The following MGST1 variants were observed in gnomAD, a reference collection of about 807,000 sequenced individuals.
MGST1 encodes the protein microsomal glutathione S-transferase 1.
A neutral mutation model predicts 8.9 loss-of-function variants in MGST1; 5 were observed. The observed-to-expected ratio is 0.56, with a 90% CI of 0.29 to 1.19. The LOEUF is 1.19. MGST1 is among the 50% of genes most tolerant of loss of function. MGST1 has a pLI of 0.08. For synonymous variants in MGST1, 54 were observed against 67.8 expected (o/e 0.80, Z 1.00); for missense variants, 182 against 187.4 (o/e 0.97, Z 0.17).
At chr12:16,474,218 A>G (rs1232097990) in intron 4 of MGST1, among the ~76,000 whole-genome samples, 5 of 152,290 alleles carry the variant, frequency 3.3e-5, no homozygotes, top group East Asian at 3.9e-4. Flanking sequence ...TTGTATTCCT[A>G]TTTAAACATT....
At chr12:16,579,179 A>G (rs1167961385) in intron 4 of MGST1, among the ~76,000 whole-genome samples, 1 of 152,154 alleles carries the variant, frequency 6.6e-6, no homozygotes, top group Non-Finnish European at 1.5e-5. Flanking sequence ...AATTGTATAT[A>G]TATATTCCCT....
intron 1 of MGST1, among the ~76,000 whole-genome samples, chr12:16,434,854 G>C (rs936585800): frequency 6.6e-6 from 1 of 151,838 alleles, no homozygotes; most frequent in Non-Finnish European, 1.5e-5. Flanking sequence ...CATAAGCCAA[G>C]ATCACATTTG....
In MGST1 at chr12:16,547,077, A is replaced by G. The variant is rs1222434281; in HGVS notation, n.483-42451A>G. ...TTCTGAATAATACTTTTCTAATAGC[A>G]TGGCCTCAAAGGAAGCTCTAGTAAA... On this transcript the variant is annotated intron_variant and non_coding_transcript_variant, in intron 4 of 4. Transcript: ENST00000538857. The surrounding 1 kb of genome is among the most constrained non-coding windows in gnomAD (Gnocchi z 4.6). Among the ~76,000 whole-genome samples, 1 of 152,172 alleles carries G rather than the reference A, an allele frequency of 6.6e-6. No individual in the cohort carries two copies. Among genetic ancestry groups the G allele is most frequent in the Non-Finnish European group, 1.5e-5 (1 of 68,022 alleles).
chr12:16,471,132 G>A (rs1456469225), intron 4 of MGST1, among the ~76,000 whole-genome samples: 3 of 151,974 alleles, frequency 2.0e-5, no homozygotes, highest in South Asian at 2.1e-4. Context: ...ACCATTTATC[G>A]CCGTAATGGA....
intron 4 of MGST1, among the ~76,000 whole-genome samples, chr12:16,504,773 A>G (rs918159598): frequency 2.6e-5 from 4 of 152,198 alleles, no homozygotes; most frequent in African/African-American, 9.6e-5. Context: ...TTACAAATAC[A>G]TTCAAGTTCT....
At chr12:16,535,472 C>T (rs1941751424) in intron 4 of MGST1, among the ~76,000 whole-genome samples, 1 of 152,136 alleles carries the variant, frequency 6.6e-6, no homozygotes, top group African/African-American at 2.4e-5. Flanking sequence ...GGATCAAGTT[C>T]CAGCATGACG....
chr12:16,376,034 C>CAT, intron 3 of MGST1: 1 of 896,286 alleles, frequency 1.1e-6, no homozygotes, highest in Non-Finnish European at 1.5e-6. Flanking sequence ...AGATTTTATA[C>CAT]ATATATATAA....
chr12:16,453,021 A>G (rs1175806190), intron 4 of MGST1, among the ~76,000 whole-genome samples: 1 of 152,022 alleles, frequency 6.6e-6, no homozygotes, highest in Non-Finnish European at 1.5e-5. Flanking sequence ...TTAATTTAAC[A>G]GGATTCACAT....
At chr12:16,404,662 T>A (rs1940684937) in intron 1 of MGST1, among the ~76,000 whole-genome samples, 1 of 152,184 alleles carries the variant, frequency 6.6e-6, no homozygotes, top group Admixed American at 6.5e-5. Context: ...TAGGAGCTTT[T>A]GCTTCATTTA....
chr12:16,448,161 CAATT>C (rs1321955566), intron 4 of MGST1, among the ~76,000 whole-genome samples: 1 of 151,682 alleles, frequency 6.6e-6, no homozygotes, highest in African/African-American at 2.4e-5. Flanking sequence ...ATGAGTACGA[CAATT>C]AAGAAAAGAC....
chr12:16,519,979 G>C (rs1379147920), intron 4 of MGST1, among the ~76,000 whole-genome samples: 1 of 152,172 alleles, frequency 6.6e-6, no homozygotes, highest in East Asian at 1.9e-4. Flanking sequence ...ACCATTGCTA[G>C]AGCCAAGAGT....
In MGST1 at chr12:16,399,597, T is replaced by C. The variant is rs1341415092; in HGVS notation, n.778+15993T>C. 8.1e-6 allele frequency: 13 copies of C among 1,606,904 alleles called. No individual in the cohort carries two copies. The East Asian group carries it at 2.5e-4, about 30-fold the overall frequency. On this transcript the variant is annotated intron_variant and non_coding_transcript_variant, in intron 1 of 1. Coordinates refer to the MGST1 transcript ENST00000359720. ...ATCTTCTGAAGGATTAAAAGTCTCA[T>C]CTTCAATTTCAGACTCTGAATCCCC...
chr12:16,365,743 G>GCACACACATACACACACA (rs1555096029), downstream of MGST1, among the ~76,000 whole-genome samples: 8 of 100,374 alleles, frequency 8.0e-5, no homozygotes, highest in African/African-American at 3.8e-4. Flanking sequence ...GCGTGCACGC[G>GCACACACATACACACACA]CACACACACA....
At chr12:16,495,558 G>A (rs1464032612) in intron 4 of MGST1, among the ~76,000 whole-genome samples, 1 of 151,906 alleles carries the variant, frequency 6.6e-6, no homozygotes, top group Non-Finnish European at 1.5e-5. Flanking sequence ...GTATATGTAG[G>A]TCTATAAGCA....
intron 1 of MGST1, among the ~76,000 whole-genome samples, chr12:16,386,378 C>T (rs1940504019): frequency 6.6e-6 from 1 of 152,170 alleles, no homozygotes; most frequent in Admixed American, 6.5e-5. Context: ...CTCGGCACAA[C>T]TTAGCCCTAG....
At chr12:16,419,247 C>T (rs1463941138) in intron 1 of MGST1, among the ~76,000 whole-genome samples, 1 of 152,144 alleles carries the variant, frequency 6.6e-6, no homozygotes, top group African/African-American at 2.4e-5. Context: ...TGCCTTTTCT[C>T]AGATACCTCA....
At chr12:16,435,291 CT>C in intron 1 of MGST1, among the ~76,000 whole-genome samples, 1 of 151,938 alleles carries the variant, frequency 6.6e-6, no homozygotes, top group African/African-American at 2.4e-5. Context: ...CCCAGGTACA[CT>C]AATGAATTAT....
In MGST1 at chr12:16,497,295, T is replaced by G. The variant is rs550947577; in HGVS notation, n.483-92233T>G. ...GGCATTGAGAGAAACAGAAGACTCA[T>G]GGAACAAATAATAGTTCTTTTTAAT... On this transcript the variant is annotated intron_variant and non_coding_transcript_variant, in intron 4 of 4. Transcript: ENST00000538857. This position sits in a 1 kb window ranked among gnomAD's most constrained non-coding sequence, Gnocchi z 4.4. Among the ~76,000 whole-genome samples the G allele has an allele frequency of 1.4e-4, 21 of 152,276 alleles. No individual in the cohort carries two copies. Among genetic ancestry groups the G allele is most frequent in the African/African-American group, 4.3e-4 (18 of 41,588 alleles).
At chr12:16,423,755 C>T (rs1048594158) in intron 1 of MGST1, among the ~76,000 whole-genome samples, 12 of 152,166 alleles carry the variant, frequency 7.9e-5, no homozygotes, top group African/African-American at 2.2e-4. Flanking sequence ...CTCCATTTTG[C>T]TCCTCTAACC....
Sources: allele counts gnomAD v4.1 joint callset (sites outside exome capture counted in the v4.1 genomes callset), GRCh38; gene constraint gnomAD v4.1.1; non-coding constraint Gnocchi (gnomAD v3.1); transcripts MANE v1.5; gene names NCBI Gene and HGNC (gene_info 2026-07-23, HGNC 2026-07-21).